Variants in FYB1 observed in about 807,000 individuals in gnomAD.
FYB1 encodes the protein FYN-binding protein 1.
FYB1 carries 41 observed loss-of-function variants against 94.1 expected under a neutral mutation model. The ratio of observed to expected loss-of-function variants is 0.44; its 90% CI spans 0.34 to 0.57. FYB1 has a LOEUF of 0.57. FYB1 is among the 20% of genes least tolerant of loss of function. The pLI is 0.02. For missense variants in FYB1, 1,050 were observed against 976.8 expected (o/e 1.07, Z -1.00); for synonymous variants, 367 against 353.2 (o/e 1.04, Z -0.44).
At chr5:39,134,383 C>A (rs1255811376) in intron 8 of FYB1, 34 bp from the exon 9 acceptor site, 4 of 1,517,820 alleles carry the variant, frequency 2.6e-6, no homozygotes, top group South Asian at 1.2e-5. Context: ...GTTCAGGCAA[C>A]TGTAGTTTAA....
intron 2 of FYB1, among the ~76,000 whole-genome samples, chr5:39,199,084 G>A (rs1379739105): frequency 6.6e-6 from 1 of 151,272 alleles, no homozygotes; most frequent in African/African-American, 2.4e-5. Context: ...TATACCACAT[G>A]TTTATGTATA....
chr5:39,187,223 G>A (rs2150445702), intron 2 of FYB1, among the ~76,000 whole-genome samples: 1 of 152,226 alleles, frequency 6.6e-6, no homozygotes, highest in South Asian at 2.1e-4. Flanking sequence ...TTTTATCAGT[G>A]CCACATTCAT....
At chr5:39,240,138 T>C (rs563730201) in intron 1 of FYB1, among the ~76,000 whole-genome samples, 1 of 152,148 alleles carries the variant, frequency 6.6e-6, no homozygotes. Flanking sequence ...AGATTGAAGC[T>C]GAACCCCTCC....
intron 2 of FYB1, among the ~76,000 whole-genome samples, chr5:39,168,843 AT>A (rs558265577): frequency 6.6e-6 from 1 of 151,918 alleles, no homozygotes; most frequent in Non-Finnish European, 1.5e-5. Flanking sequence ...GAAACTTTTT[AT>A]TTTTGTCACT....
intron 12 of FYB1, 84 bp downstream of exon 12, chr5:39,125,914 A>T (rs1025285612): frequency 1.8e-5 from 24 of 1,357,422 alleles, no homozygotes; most frequent in Non-Finnish European, 2.1e-5. Context: ...GAATTTGGTT[A>T]TTGGTTATAG....
chr5:39,211,204 CT>C (rs774082918), intron 1 of FYB1: 4 of 152,032 alleles, frequency 2.6e-5, no homozygotes, highest in Non-Finnish European at 4.4e-5. Context: ...TTATTTGGTT[CT>C]TAGGCTAATA....
chr5:39,153,918 C>G (rs945432052), intron 2 of FYB1, among the ~76,000 whole-genome samples: 4 of 151,696 alleles, frequency 2.6e-5, no homozygotes, highest in South Asian at 2.1e-4. Context: ...GGACTACACG[C>G]GTGCACCACA....
At chr5:39,241,215 G>A (rs1358083697) in intron 1 of FYB1, among the ~76,000 whole-genome samples, 1 of 152,196 alleles carries the variant, frequency 6.6e-6, no homozygotes. Flanking sequence ...TGGGTACTAT[G>A]CTGATTACCC....
intron 9 of FYB1, among the ~76,000 whole-genome samples, chr5:39,131,302 A>T (rs1741187037): frequency 6.6e-6 from 1 of 152,312 alleles, no homozygotes; most frequent in East Asian, 1.9e-4. Context: ...AGAATGGAAA[A>T]AATCCCAGAA....
At chr5:39,144,850 G>A (rs1253470906) in intron 3 of FYB1, among the ~76,000 whole-genome samples, 1 of 152,066 alleles carries the variant, frequency 6.6e-6, no homozygotes. Context: ...ATATGCCAAC[G>A]TAGATGTGTA....
At chr5:39,135,053 T>A (rs1234696368) in intron 7 of FYB1, 39 bp from the exon 8 acceptor site, 1 of 1,598,612 alleles carries the variant, frequency 6.3e-7, no homozygotes, top group African/African-American at 1.3e-5. Flanking sequence ...GATTTCCTTA[T>A]AATTTAGAAA....
chr5:39,186,177 A>T (rs1270976903), intron 2 of FYB1, among the ~76,000 whole-genome samples: 2 of 152,100 alleles, frequency 1.3e-5, no homozygotes, highest in Admixed American at 1.3e-4. Flanking sequence ...GGCAACACAC[A>T]CACTTTGGGA....
rs1748444483 is a variant in FYB1 at position 39,202,531 on chromosome 5, G to T, written c.430C>A (p.Gln144Lys). Residue 144 changes from glutamine to lysine, a missense_variant, in exon 2 of 19, where the codon CAA (glutamine) becomes AAA (lysine). By Grantham distance (53) the Gln-to-Lys change is moderately conservative (BLOSUM62 1). Coordinates refer to ENST00000512982, the MANE Select transcript of FYB1 (RefSeq NM_001465.6). ...CCTAGTGGCTTTAAGTCATGGTCTT[G>T]GTTTACACTGTGAAGAGATGGCTTG... is the stretch of plus-strand genomic sequence containing the variant. ...GNKPSLHSVN[Q>K]DHDLKPLGPK... The T allele has an allele frequency of 1.2e-6, 2 of 1,613,994 alleles. No individual in the cohort carries two copies. Among genetic ancestry groups the T allele is most frequent in the Non-Finnish European group, 1.7e-6 (2 of 1,179,892 alleles).
chr5:39,153,390 G>A, intron 3 of FYB1, 58 bp downstream of exon 3: 4 of 1,589,060 alleles, frequency 2.5e-6, no homozygotes, highest in East Asian at 2.2e-5. Context: ...ACCAAGCACA[G>A]TTTGAAAATC....
intron 9 of FYB1, among the ~76,000 whole-genome samples, chr5:39,132,540 C>CT (rs552692450): frequency 2.0e-5 from 3 of 151,986 alleles, no homozygotes; most frequent in African/African-American, 7.3e-5. Context: ...ATATAAGATT[C>CT]TTTTTTTGTT....
chr5:39,140,296 C>A (rs1279894170), intron 4 of FYB1, among the ~76,000 whole-genome samples: 2 of 152,014 alleles, frequency 1.3e-5, no homozygotes, highest in Non-Finnish European at 2.9e-5. Context: ...GAAAAATATA[C>A]CACTCCCAAT....
intron 16 of FYB1, chr5:39,110,791 T>C: frequency 2.7e-6 from 1 of 371,556 alleles, no homozygotes; most frequent in Non-Finnish European, 5.1e-6. Flanking sequence ...TACCACCAGA[T>C]CTAAGACTTA....
chr5:39,144,462 T>C (rs577341909), intron 3 of FYB1, among the ~76,000 whole-genome samples: 168 of 151,966 alleles, frequency 1.1e-3, no homozygotes, highest in African/African-American at 3.9e-3. Flanking sequence ...AACAAATAAA[T>C]TGCAAAGAAT....
intron 1 of FYB1, among the ~76,000 whole-genome samples, chr5:39,261,958 T>C (rs902175560): frequency 1.3e-5 from 2 of 152,180 alleles, no homozygotes; most frequent in African/African-American, 2.4e-5. Flanking sequence ...TCAGCTAATA[T>C]TAGATGCCTG....
Sources: gnomAD v4.1 joint callset for allele counts (sites outside exome capture counted in the v4.1 genomes callset) on GRCh38, gnomAD v4.1.1 for gene constraint, MANE v1.5 for transcripts, NCBI Gene and HGNC (gene_info 2026-07-23, HGNC 2026-07-21) for gene names.